Variants in MBD5 observed in about 807,000 individuals in gnomAD.
MBD5 encodes methyl-CpG-binding domain protein 5.
A neutral mutation model predicts 117.3 loss-of-function variants in MBD5; 13 were observed. The observed-to-expected ratio is 0.11, with a 90% CI of 0.07 to 0.18. The LOEUF (loss-of-function observed/expected upper bound fraction) is 0.18. Among genes scored for constraint, MBD5 ranks in the 10% least tolerant of loss-of-function variants. The probability of loss-of-function intolerance (pLI) is 1.00; values close to 1 mark genes in which losing one functional copy is unlikely to be tolerated. For synonymous variants in MBD5, 727 were observed against 766.4 expected (o/e 0.95, Z 0.85); for missense variants, 1,879 against 2,093.8 (o/e 0.90, Z 2.00).
At chr2:148,155,428 G>C (rs893712064) in intron 1 of MBD5, among the ~76,000 whole-genome samples, 3 of 152,182 alleles carry the variant, frequency 2.0e-5, no homozygotes, top group Non-Finnish European at 4.4e-5. Context: ...GATTGTCTTG[G>C]TCCTGAATTC....
chr2:148,302,513 G>A (rs1701796145), intron 3 of MBD5, among the ~76,000 whole-genome samples: 1 of 152,192 alleles, frequency 6.6e-6, no homozygotes, highest in Admixed American at 6.5e-5. Flanking sequence ...TAAAGTCAAT[G>A]TTCTGCTGAA....
chr2:148,327,125 G>T (rs1465047223), intron 3 of MBD5, among the ~76,000 whole-genome samples: 1 of 151,866 alleles, frequency 6.6e-6, no homozygotes, highest in African/African-American at 2.4e-5. Context: ...TGAAATTCTG[G>T]GTTGAAAATT....
At chr2:148,187,038 C>G (rs1469516920) in intron 2 of MBD5, among the ~76,000 whole-genome samples, 1 of 152,090 alleles carries the variant, frequency 6.6e-6, no homozygotes, top group East Asian at 1.9e-4. Context: ...TTAAAAAGAT[C>G]AATAGACTTG....
Position 148,159,141 on chromosome 2 carries a change from G to C in MBD5, c.-924-19559G>C, listed in dbSNP as rs145564961. ...TTTCTCTGGGTTACACAGGTAGTTA[G>C]TTAATCAAGACTCAAACACTCTTAT... On this transcript the variant is annotated intron_variant, in intron 1 of 13. Coordinates refer to ENST00000642680, the MANE Select transcript of MBD5 (RefSeq NM_001378120.1). 2.3e-3 allele frequency among the ~76,000 whole-genome samples: 358 copies of C among 152,342 alleles called. 1 individual carries two copies. Among genetic ancestry groups the C allele is most frequent in the African/African-American group, 8.2e-3 (343 of 41,586 alleles).
At chr2:148,252,371 G>A (rs1252509136) in intron 3 of MBD5, among the ~76,000 whole-genome samples, 4 of 152,038 alleles carry the variant, frequency 2.6e-5, no homozygotes, top group African/African-American at 9.7e-5. Context: ...GAAATGCGAG[G>A]ATCACCTGAT....
chr2:148,218,008 T>G (rs917633862), intron 2 of MBD5, among the ~76,000 whole-genome samples: 1 of 152,202 alleles, frequency 6.6e-6, no homozygotes, highest in African/African-American at 2.4e-5. Context: ...TTGATGTGTA[T>G]ATAGACAATA....
intron 7 of MBD5, among the ~76,000 whole-genome samples, chr2:148,465,063 A>G (rs1371765901): frequency 6.6e-6 from 1 of 152,104 alleles, no homozygotes; most frequent in East Asian, 1.9e-4. Context: ...CTTTATATCA[A>G]TTAAGTCTTT....
At chr2:148,143,751 C>G (rs1198169109) in intron 1 of MBD5, among the ~76,000 whole-genome samples, 1 of 152,148 alleles carries the variant, frequency 6.6e-6, no homozygotes, top group African/African-American at 2.4e-5. Context: ...TGGTTTCCAG[C>G]TTCATCCAGG....
intron 8 of MBD5, among the ~76,000 whole-genome samples, chr2:148,481,076 T>C (rs929983765): frequency 6.6e-6 from 1 of 152,162 alleles, no homozygotes; most frequent in Non-Finnish European, 1.5e-5. Flanking sequence ...GCTTCCCTTT[T>C]TTTGATTCTC....
chr2:148,066,783 G>GT (rs925015991), intron 1 of MBD5, among the ~76,000 whole-genome samples: 2 of 152,072 alleles, frequency 1.3e-5, no homozygotes, highest in African/African-American at 2.4e-5. Flanking sequence ...CAGCTACCAT[G>GT]TTTTTTTCAC....
chr2:148,307,802 C>G (rs1701928957), intron 3 of MBD5, among the ~76,000 whole-genome samples: 1 of 152,118 alleles, frequency 6.6e-6, no homozygotes, highest in Non-Finnish European at 1.5e-5. Flanking sequence ...GCCCCCGACC[C>G]ACTGACAGAC....
intron 4 of MBD5, among the ~76,000 whole-genome samples, chr2:148,389,239 AG>A (rs1346996350): frequency 3.1e-4 from 13 of 41,704 alleles, no homozygotes; most frequent in Admixed American, 5.5e-4. Flanking sequence ...TGATATAAAT[AG>A]GAAAAAAAAA....
At position 148,279,886 on chromosome 2, in the gene MBD5, T is replaced by C. The variant is rs118004463; in HGVS notation, c.-680+46491T>C. The stretch of plus-strand genomic sequence containing the variant: ...CAGCCTCAAACTCCATGGGCTCAAG[T>C]GATCCTCCCGCCTCAACCTCCCAAG... On this transcript the variant is annotated intron_variant, in intron 3 of 13. Coordinates refer to ENST00000642680, the MANE Select transcript of MBD5 (RefSeq NM_001378120.1). 3.3e-3 allele frequency among the ~76,000 whole-genome samples: 506 copies of C among 152,104 alleles called. 25 individuals carry two copies. In the East Asian group the frequency reaches 0.088, roughly 26 times the overall value.
chr2:148,124,455 G>A (rs1696842898), intron 1 of MBD5, among the ~76,000 whole-genome samples: 2 of 152,034 alleles, frequency 1.3e-5, no homozygotes. Flanking sequence ...GCACATGCCT[G>A]TGGTCCCAGT....
intron 4 of MBD5, among the ~76,000 whole-genome samples, chr2:148,448,482 G>A (rs190150805): frequency 2.0e-5 from 3 of 151,342 alleles, no homozygotes; most frequent in Non-Finnish European, 4.4e-5. Flanking sequence ...AGGTTACTAG[G>A]GTACTAGCAG....
At chr2:148,428,637 C>A (rs1027274141) in intron 4 of MBD5, among the ~76,000 whole-genome samples, 1 of 152,068 alleles carries the variant, frequency 6.6e-6, no homozygotes, top group Non-Finnish European at 1.5e-5. Flanking sequence ...GTACTGGTAC[C>A]AAAATAGATA....
chr2:148,408,828 C>CT (rs60467047), intron 4 of MBD5, among the ~76,000 whole-genome samples: 7,347 of 151,090 alleles, frequency 0.049, 538 homozygotes, highest in African/African-American at 0.17. Flanking sequence ...TATGTACAGG[C>CT]TTTTTTTTTC....
chr2:148,141,585 A>G (rs1697314824), intron 1 of MBD5, among the ~76,000 whole-genome samples: 1 of 152,166 alleles, frequency 6.6e-6, no homozygotes, highest in Non-Finnish European at 1.5e-5. Context: ...TAAATTTTTA[A>G]AATTATATCC....
chr2:148,110,516 T>C (rs1696481929), intron 1 of MBD5, among the ~76,000 whole-genome samples: 1 of 152,214 alleles, frequency 6.6e-6, no homozygotes, highest in African/African-American at 2.4e-5. Context: ...GTTGAATCTC[T>C]AGAAGCTTTT....
Sources: gnomAD v4.1 joint callset for allele counts (sites outside exome capture counted in the v4.1 genomes callset) on GRCh38, gnomAD v4.1.1 for gene constraint, MANE v1.5 for transcripts, NCBI Gene and HGNC (gene_info 2026-07-23, HGNC 2026-07-21) for gene names.